Variants in ZFAND3 observed in about 807,000 individuals in gnomAD.
ZFAND3 encodes AN1-type zinc finger protein 3.
Under a neutral mutation model 29.6 loss-of-function variants are expected in ZFAND3, and 10 were observed. The observed-to-expected ratio is 0.34, with a 90% CI of 0.21 to 0.57. The LOEUF is 0.57. Among genes scored for constraint, ZFAND3 ranks in the 20% least tolerant of loss-of-function variants. The pLI is 0.86. For missense variants in ZFAND3, 230 were observed against 304.5 expected (o/e 0.76, Z 1.82); for synonymous variants, 128 against 112.6 (o/e 1.14, Z -0.87).
chr6:37,892,878 C>T (rs191470519), intron 1 of ZFAND3, among the ~76,000 whole-genome samples: 26 of 152,240 alleles, frequency 1.7e-4, no homozygotes, highest in Admixed American at 1.2e-3. Context: ...TTCTTAGACT[C>T]TGAACTTCTG....
At chr6:38,094,598 G>A (rs905957607) in intron 4 of ZFAND3, among the ~76,000 whole-genome samples, 5 of 152,096 alleles carry the variant, frequency 3.3e-5, no homozygotes, top group African/African-American at 1.2e-4. Flanking sequence ...GCATGAAATA[G>A]GAAGATTTAG....
At chr6:37,833,824 CAAAAA>C (rs55733520) in intron 1 of ZFAND3, among the ~76,000 whole-genome samples, 28 of 68,018 alleles carry the variant, frequency 4.1e-4, no homozygotes, top group African/African-American at 1.2e-3. Flanking sequence ...GACACTGTCT[CAAAAA>C]AAAAAAAAAA....
intron 1 of ZFAND3, among the ~76,000 whole-genome samples, chr6:37,868,312 G>A (rs766892589): frequency 3.3e-5 from 5 of 152,202 alleles, no homozygotes; most frequent in Non-Finnish European, 5.9e-5. Flanking sequence ...TACAAAAGAT[G>A]CAGTGGGAGT....
chr6:38,078,635 G>T (rs528311960), intron 3 of ZFAND3, among the ~76,000 whole-genome samples: 7 of 152,282 alleles, frequency 4.6e-5, no homozygotes, highest in African/African-American at 1.7e-4. Context: ...CCCAAACTCA[G>T]TTGCCACTGA....
chr6:38,020,876 A>G (rs1013415525), intron 2 of ZFAND3, among the ~76,000 whole-genome samples: 12 of 152,232 alleles, frequency 7.9e-5, no homozygotes, highest in Admixed American at 7.9e-4. Flanking sequence ...CTTGCTCTGC[A>G]TTAAGTGTAG....
chr6:37,893,136 A>G (rs959493237), intron 1 of ZFAND3, among the ~76,000 whole-genome samples: 4 of 152,204 alleles, frequency 2.6e-5, no homozygotes, highest in Non-Finnish European at 5.9e-5. Context: ...GACCAAAAGT[A>G]AAGTATCATA....
At chr6:37,852,383 T>C (rs1764296418) in intron 1 of ZFAND3, among the ~76,000 whole-genome samples, 1 of 152,206 alleles carries the variant, frequency 6.6e-6, no homozygotes. Context: ...TACCTGGCAG[T>C]GACTCAGTTT....
intron 1 of ZFAND3, among the ~76,000 whole-genome samples, chr6:37,844,556 C>T (rs190809764): frequency 9.8e-4 from 147 of 150,586 alleles, no homozygotes; most frequent in African/African-American, 2.8e-3. Context: ...GCTGAGATAA[C>T]AGGCGTGAGC....
intron 5 of ZFAND3, among the ~76,000 whole-genome samples, chr6:38,149,311 C>T (rs1012533183): frequency 6.6e-6 from 1 of 150,938 alleles, no homozygotes; most frequent in Non-Finnish European, 1.5e-5. Flanking sequence ...ACTGGGGAGG[C>T]TGAAGCAGGA....
chr6:37,897,124 T>G (rs1241857696), intron 1 of ZFAND3, among the ~76,000 whole-genome samples: 3 of 152,242 alleles, frequency 2.0e-5, no homozygotes, highest in Non-Finnish European at 4.4e-5. Flanking sequence ...TATGTCTATA[T>G]TTGTGTAATC....
chr6:37,826,143 A>G (rs1763756039), intron 1 of ZFAND3, among the ~76,000 whole-genome samples: 1 of 152,170 alleles, frequency 6.6e-6, no homozygotes, highest in African/African-American at 2.4e-5. Context: ...GTTAAGGTTG[A>G]TATCTCAGCA....
chr6:38,037,154 T>G lies in ZFAND3; in HGVS notation c.113-24439T>G, dbSNP rs114038702. ...TCTTTTAGTGAATAGAGAATAGATA[T>G]CCCTTGGCCATGTCTACCTTAGAAC... is the stretch of plus-strand genomic sequence containing the variant. On this transcript the variant is annotated intron_variant, in intron 2 of 5. Coordinates refer to ENST00000287218, the MANE Select transcript of ZFAND3 (RefSeq NM_021943.3). Among the ~76,000 whole-genome samples, 469 of 152,354 alleles carry G rather than the reference T, an allele frequency of 3.1e-3. 2 individuals are homozygous for G. The highest frequency in any genetic ancestry group is 0.011 in the African/African-American group (445 of 41,584).
At chr6:38,022,539 C>A (rs1031171958) in intron 2 of ZFAND3, among the ~76,000 whole-genome samples, 1 of 152,206 alleles carries the variant, frequency 6.6e-6, no homozygotes, top group African/African-American at 2.4e-5. Flanking sequence ...GTGTACCACA[C>A]GCTATACAAA....
chr6:38,138,951 T>G (rs1325508318), intron 5 of ZFAND3, among the ~76,000 whole-genome samples: 1 of 152,146 alleles, frequency 6.6e-6, no homozygotes, highest in African/African-American at 2.4e-5. Context: ...TCAAGAGGCA[T>G]CAGCATGGAT....
At chr6:38,042,783 T>G (rs1287940750) in intron 2 of ZFAND3, among the ~76,000 whole-genome samples, 3 of 152,184 alleles carry the variant, frequency 2.0e-5, no homozygotes, top group Non-Finnish European at 2.9e-5. Flanking sequence ...TAGGGTGTAT[T>G]TTCAAGAATA....
intron 1 of ZFAND3, among the ~76,000 whole-genome samples, chr6:37,866,028 T>C (rs182702331): frequency 1.3e-5 from 2 of 152,146 alleles, no homozygotes; most frequent in African/African-American, 4.8e-5. Flanking sequence ...GGTCTCACTA[T>C]ATTGTCCCGG....
intron 4 of ZFAND3, among the ~76,000 whole-genome samples, chr6:38,098,050 T>C (rs1765017230): frequency 6.6e-6 from 1 of 152,198 alleles, no homozygotes; most frequent in Non-Finnish European, 1.5e-5. Context: ...GTTGTATTGC[T>C]TTTTTCTAGC....
intron 2 of ZFAND3, among the ~76,000 whole-genome samples, chr6:38,052,024 A>G (rs985048865): frequency 1.3e-5 from 2 of 152,228 alleles, no homozygotes; most frequent in Admixed American, 1.3e-4. Context: ...AGTTGGCTCT[A>G]TAGGTGTGAA....
chr6:37,904,168 G>A (rs562981901), intron 1 of ZFAND3, among the ~76,000 whole-genome samples: 1 of 152,260 alleles, frequency 6.6e-6, no homozygotes, highest in East Asian at 1.9e-4. Context: ...AAACCATGTT[G>A]GGCAGTGTAC....
Sources: gnomAD v4.1 joint callset for allele counts (sites outside exome capture counted in the v4.1 genomes callset) on GRCh38, gnomAD v4.1.1 for gene constraint, MANE v1.5 for transcripts, NCBI Gene and HGNC (gene_info 2026-07-23, HGNC 2026-07-21) for gene names.